The following TRPM8 variants were observed in gnomAD, a reference collection of about 807,000 sequenced individuals.
The protein encoded by TRPM8 is TRPM8 cationic channel.
A neutral mutation model predicts 133.7 loss-of-function variants in TRPM8; 110 were observed. That is an observed-to-expected ratio of 0.82 (90% CI 0.70 to 0.96). The LOEUF (loss-of-function observed/expected upper bound fraction) is 0.96. Among genes scored for constraint, TRPM8 ranks in the 40% least tolerant of loss-of-function variants. TRPM8 has a pLI of 0.00. For synonymous variants in TRPM8, 535 were observed against 532.3 expected, an observed-to-expected ratio of 1.01 and a Z score of -0.07; for missense variants, 1,291 against 1,379.5, an observed-to-expected ratio of 0.94 and a Z score of 1.02.
chr2:234,006,404 C>T (rs559622407), intron 22 of TRPM8, among the ~76,000 whole-genome samples: 7 of 152,150 alleles, frequency 4.6e-5, no homozygotes, highest in Non-Finnish European at 7.4e-5. Context: ...ATGCCTCGGG[C>T]TTATTTTCCT....
chr2:233,943,926 G>C (rs535878129), intron 6 of TRPM8, among the ~76,000 whole-genome samples: 1 of 151,922 alleles, frequency 6.6e-6, no homozygotes, highest in Admixed American at 6.6e-5. Flanking sequence ...TTTGTGTCTT[G>C]GTTACCATTT....
At chr2:233,997,040 G>A (rs1190422141) in intron 22 of TRPM8, among the ~76,000 whole-genome samples, 6 of 152,166 alleles carry the variant, frequency 3.9e-5, no homozygotes, top group South Asian at 2.1e-4. Flanking sequence ...CTAGGCGGGC[G>A]GATTGCCTGA....
intron 11 of TRPM8, among the ~76,000 whole-genome samples, chr2:233,959,325 C>CTTTTTTT (rs778556639): frequency 9.4e-6 from 1 of 106,300 alleles, no homozygotes; most frequent in African/African-American, 4.2e-5. Context: ...CTCGCCCAGC[C>CTTTTTTT]TTTTTTTTTT....
chr2:234,014,791 A>AT, intron 25 of TRPM8, 137 bp downstream of exon 25: 1 of 464,540 alleles, frequency 2.2e-6, no homozygotes, highest in Non-Finnish European at 3.8e-6. Context: ...GTGCAAAAAA[A>AT]AAAAATACAG....
intron 1 of TRPM8, among the ~76,000 whole-genome samples, chr2:233,924,314 C>T (rs150254538): frequency 2.0e-5 from 3 of 152,278 alleles, no homozygotes; most frequent in Non-Finnish European, 4.4e-5. Context: ...ACCAAGGGAT[C>T]GGCTTTCTCC....
chr2:233,985,596 G>T, intron 20 of TRPM8, 92 bp from the exon 21 acceptor site: 1 of 1,255,180 alleles, frequency 8.0e-7, no homozygotes, highest in South Asian at 1.3e-5. Flanking sequence ...GACATTTCAT[G>T]ACCACTGACA....
In TRPM8 at chr2:234,019,260, A is replaced by G. The variant is rs1333487601; in HGVS notation, c.*2004A>G. 2 of 152,224 alleles carry G rather than the reference A, an allele frequency of 1.3e-5. No individual in the cohort carries two copies. The highest frequency in any genetic ancestry group is 1.5e-5 in the Non-Finnish European group (1 of 68,040). 9.4% of individuals were successfully genotyped at this position (152,224 alleles called of 1,614,324 possible). A position where few individuals can be genotyped will look rare whatever the true frequency, so the allele number is the denominator to read the frequency against. The stretch of plus-strand genomic sequence containing the variant: ...AAAACTTGCCCAATACTGAGAAGCA[A>G]CTTGCATTAGAGAGGGAACTGTTAA... On this transcript the variant is annotated 3_prime_UTR_variant, in exon 26 of 26. Coordinates refer to ENST00000324695, the MANE Select transcript of TRPM8 (RefSeq NM_024080.5).
intron 21 of TRPM8, among the ~76,000 whole-genome samples, chr2:233,990,600 G>A (rs914686746): frequency 2.6e-5 from 4 of 152,148 alleles, no homozygotes; most frequent in Non-Finnish European, 5.9e-5. Flanking sequence ...ATTATAATGA[G>A]CACAGGTCAG....
chr2:233,978,539 G>C (rs1691927593), intron 17 of TRPM8, among the ~76,000 whole-genome samples: 1 of 152,026 alleles, frequency 6.6e-6, no homozygotes, highest in African/African-American at 2.4e-5. Flanking sequence ...ACAATATTCT[G>C]TTTCCCATAC....
At chr2:233,928,657 G>A (rs369330644) in intron 2 of TRPM8, among the ~76,000 whole-genome samples, 109 of 152,296 alleles carry the variant, frequency 7.2e-4, no homozygotes, top group African/African-American at 2.4e-3. Context: ...GAGCACTGAA[G>A]CTATTTTTGC....
Position 234,018,994 on chromosome 2 carries a change from A to G in TRPM8, c.*1738A>G, listed in dbSNP as rs977903648. 6.6e-6 allele frequency: 1 copy of G among 152,196 alleles called. No homozygotes were observed. The highest frequency in any genetic ancestry group is 1.5e-5 in the Non-Finnish European group (1 of 68,036). 9.4% of individuals were successfully genotyped at this position (152,196 alleles called of 1,614,324 possible). On this transcript the variant is annotated 3_prime_UTR_variant, in exon 26 of 26. Transcript: ENST00000324695. ...ATTTGAGCAGGATGTGCACAAGGCA[A>G]TTGAAATGCCCATAATTAGTTTCTC...
chr2:233,987,531 C>T (rs2125310461), intron 21 of TRPM8, among the ~76,000 whole-genome samples: 1 of 152,338 alleles, frequency 6.6e-6, no homozygotes, highest in African/African-American at 2.4e-5. Flanking sequence ...AAGCACATAC[C>T]TCTGGGGACA....
rs1691956775 is a variant in TRPM8 at position 233,979,641 on chromosome 2, A to G, written c.2356-547A>G. On this transcript the variant is annotated intron_variant, in intron 17 of 25. Transcript: ENST00000324695. ...ATACATACACGTCGGTCCCTGAGGCACACTGTTCCTGTCAGTCCTTTCTGC... is the reference window on the plus strand; with the variant it reads ...ATACATACACGTCGGTCCCTGAGGCGCACTGTTCCTGTCAGTCCTTTCTGC... Among the ~76,000 whole-genome samples the G allele has an allele frequency of 2.0e-5, 3 of 152,350 alleles. No individual in the cohort carries two copies. The South Asian group carries it at 6.2e-4, about 32-fold the overall frequency.
rs533088957 is a variant in TRPM8, at chr2:233,972,130, G to C, written c.2355+1704G>C. On this transcript the variant is annotated intron_variant, in intron 17 of 25. Coordinates refer to ENST00000324695, the MANE Select transcript of TRPM8 (RefSeq NM_024080.5). ...TGAGCTAGACACAGGGTGCTGATTG[G>C]TGTGTTTACAAACCTTGAGCTAGAT... Among the ~76,000 whole-genome samples the C allele has an allele frequency of 3.9e-5, 6 of 152,206 alleles. No homozygotes were observed. In the South Asian group the frequency reaches 6.2e-4, roughly 16 times the overall value.
chr2:233,946,199 T>C, intron 7 of TRPM8, 169 bp downstream of exon 7: 1 of 660,968 alleles, frequency 1.5e-6, no homozygotes, highest in Non-Finnish European at 2.5e-6. Context: ...ACATCAGGAA[T>C]GCTTCTGCCA....
At chr2:233,964,904 G>A in intron 14 of TRPM8, 147 bp downstream of exon 14, 2 of 758,090 alleles carry the variant, frequency 2.6e-6, no homozygotes. Flanking sequence ...CACAAGGTCT[G>A]GATGCGACAA....
intron 25 of TRPM8, 68 bp from the exon 26 acceptor site, chr2:234,017,231 C>T (rs1692977589): frequency 6.5e-6 from 3 of 458,914 alleles, no homozygotes; most frequent in Admixed American, 4.8e-5. Flanking sequence ...TGAAGCAAAC[C>T]ATATCCTGCC....
intron 9 of TRPM8, among the ~76,000 whole-genome samples, chr2:233,951,281 C>G (rs1691167200): frequency 6.6e-6 from 1 of 152,132 alleles, no homozygotes; most frequent in African/African-American, 2.4e-5. Flanking sequence ...CAGGCCTTTT[C>G]CAACGTATAC....
chr2:233,983,210 C>G lies in TRPM8; in HGVS notation c.2747C>G (p.Pro916Arg). The G allele has an allele frequency of 1.9e-6, 3 of 1,614,104 alleles. No individual in the cohort carries two copies. Among genetic ancestry groups the G allele is most frequent in the Non-Finnish European group, 2.5e-6 (3 of 1,180,016 alleles). Reference sequence around the variant, plus strand: ...TACCTGGCCATGTTCGGCCAGGTGCCCAGTGACGTGGATGGTAAGCCTGAC... The same window carrying G: ...TACCTGGCCATGTTCGGCCAGGTGCGCAGTGACGTGGATGGTAAGCCTGAC... Reference protein sequence around the residue: ...EPYLAMFGQVPSDVDGTTYDF... With the variant: ...EPYLAMFGQVRSDVDGTTYDF... Residue 916 changes from proline (P) to arginine (R), a missense_variant, in exon 20 of 26, where the codon CCC becomes CGC. This residue lies in a region of TRPM8 where 328 missense variants were observed against 410.6 expected (regional missense o/e 0.80). Transcript: ENST00000324695.
Sources: gnomAD v4.1 joint callset for allele counts (sites outside exome capture counted in the v4.1 genomes callset) on GRCh38, gnomAD v4.1.1 for gene constraint, gnomAD v4.1.1 regional missense constraint, MANE v1.5 for transcripts, NCBI Gene and HGNC (gene_info 2026-07-23, HGNC 2026-07-21) for gene names.